PHKA1: variants seen among roughly 807,000 people sequenced by gnomAD.
The protein encoded by PHKA1 is phosphorylase b kinase regulatory subunit alpha, skeletal muscle isoform.
A neutral mutation model predicts 110.2 loss-of-function variants in PHKA1; 60 were observed. The ratio of observed to expected loss-of-function variants is 0.54; its 90% CI spans 0.44 to 0.68. The LOEUF (loss-of-function observed/expected upper bound fraction) is 0.68. Ranked by LOEUF, PHKA1 falls within the 30% of genes least tolerant of loss-of-function variation. The pLI is 0.00. For synonymous variants in PHKA1, 316 were observed against 333.6 expected (o/e 0.95, Z 0.58); for missense variants, 801 against 942.5 (o/e 0.85, Z 1.97).
intron 28 of PHKA1, among the ~76,000 whole-genome samples, chrX:72,594,078 T>C (rs2052559467): frequency 1.8e-5 from 2 of 111,245 alleles, no homozygotes; most frequent in African/African-American, 3.3e-5. Context: ...AAAAAATCAC[T>C]AGCAAAATTA....
chrX:72,614,480 G>A (rs1569430314), intron 21 of PHKA1, among the ~76,000 whole-genome samples: 1 of 111,923 alleles, frequency 8.9e-6, no homozygotes, highest in Non-Finnish European at 1.9e-5. Context: ...CAGATTGGAG[G>A]AAGTTTCATG....
chrX:72,700,868 T>C (rs1445080117), intron 3 of PHKA1, among the ~76,000 whole-genome samples: 4 of 111,863 alleles, frequency 3.6e-5, no homozygotes, highest in Non-Finnish European at 7.5e-5. Context: ...AAGAAATAAC[T>C]GCATGGACTG....
At position 72,581,160 on chromosome X, in the gene PHKA1, C is replaced by G; in HGVS notation, c.3514G>C (p.Asp1172His). The change falls in exon 32 of 32, where the codon GAT becomes CAT. Residue 1172 changes from aspartate (D) to histidine (H), a missense_variant. This residue lies in a region of PHKA1 where 502 missense variants were observed against 519.2 expected (regional missense o/e 0.97). Coordinates refer to ENST00000373542, the MANE Select transcript of PHKA1 (RefSeq NM_002637.4). ...FLQEQKTLGA[D>H]DTMLAKDPAS... The stretch of plus-strand genomic sequence containing the variant: ...GGATCCTTTGCCAACATGGTATCAT[C>G]TGCGCCAAGGGTTTTCTGTTTGGTT... The G allele has an allele frequency of 1.7e-6, 2 of 1,192,176 alleles. No homozygotes were observed. The highest frequency in any genetic ancestry group is 2.3e-6 in the Non-Finnish European group (2 of 877,781).
chrX:72,674,194 G>T (rs368973889), intron 6 of PHKA1, among the ~76,000 whole-genome samples: 23 of 110,342 alleles, frequency 2.1e-4, no homozygotes, highest in East Asian at 1.1e-3. Context: ...ATTTTCTTAA[G>T]CCAGTCTATC....
chrX:72,681,390 AG>A (rs1261856457), intron 5 of PHKA1, among the ~76,000 whole-genome samples: 1 of 108,730 alleles, frequency 9.2e-6, no homozygotes, highest in Non-Finnish European at 1.9e-5. Flanking sequence ...TCTGGGAGGG[AG>A]GTGGGGGGGG....
chrX:72,654,923 A>C (rs1479883224), intron 10 of PHKA1, among the ~76,000 whole-genome samples: 2 of 103,588 alleles, frequency 1.9e-5, no homozygotes, highest in African/African-American at 3.5e-5. Flanking sequence ...TCAGCCTCCC[A>C]AGTAGCTGGG....
chrX:72,627,245 T>TGACA (rs2147719210), intron 16 of PHKA1, among the ~76,000 whole-genome samples, 196 bp from the exon 17 acceptor site: 1 of 106,881 alleles, frequency 9.4e-6, no homozygotes, highest in Admixed American at 1.1e-4. Context: ...GGATGATGAC[T>TGACA]GATAGATTTC....
intron 6 of PHKA1, among the ~76,000 whole-genome samples, chrX:72,673,877 C>A (rs2053739349): frequency 9.2e-6 from 1 of 108,288 alleles, no homozygotes; most frequent in Non-Finnish European, 1.9e-5. Flanking sequence ...CATATGTATA[C>A]ATGTGCCATA....
chrX:72,678,933 G>A (rs1363424175), intron 5 of PHKA1, among the ~76,000 whole-genome samples: 4 of 111,967 alleles, frequency 3.6e-5, no homozygotes, highest in Non-Finnish European at 7.5e-5. Context: ...ATGGCGCTAA[G>A]TACAGATACA....
chrX:72,657,252 A>G (rs2053507345), intron 9 of PHKA1, among the ~76,000 whole-genome samples: 1 of 112,359 alleles, frequency 8.9e-6, no homozygotes, highest in Admixed American at 9.4e-5. Context: ...ATTGTTAAAT[A>G]TTTTGGGAGA....
At chrX:72,644,577 C>A (rs1556296636) in intron 13 of PHKA1, 81 bp from the exon 14 acceptor site, 2 of 920,337 alleles carry the variant, frequency 2.2e-6, no homozygotes, top group East Asian at 3.3e-5. Context: ...TATATAATTT[C>A]TTTTAAAGAG....
chrX:72,618,249 G>A (rs1319751115), intron 21 of PHKA1, among the ~76,000 whole-genome samples: 1 of 111,477 alleles, frequency 9.0e-6, no homozygotes. Flanking sequence ...TAGGAGAGAG[G>A]AGTTCAATTT....
At chrX:72,682,367 G>A (rs1200457556) in intron 5 of PHKA1, among the ~76,000 whole-genome samples, 21 of 109,212 alleles carry the variant, frequency 1.9e-4, no homozygotes, top group East Asian at 3.3e-4. Flanking sequence ...CCGGCCAGCC[G>A]CCCCGTCCGG....
chrX:72,637,564 C>T (rs1556292614), intron 14 of PHKA1, among the ~76,000 whole-genome samples: 1 of 111,640 alleles, frequency 9.0e-6, no homozygotes, highest in African/African-American at 3.3e-5. Context: ...TGGATATATA[C>T]TCAGAAGTGT....
chrX:72,582,634 T>G, intron 30 of PHKA1, 36 bp from the exon 31 acceptor site: 1 of 930,391 alleles, frequency 1.1e-6, no homozygotes, highest in Non-Finnish European at 1.5e-6. Flanking sequence ...TTCCTAAGAG[T>G]CCATCATCCA....
intron 17 of PHKA1, among the ~76,000 whole-genome samples, chrX:72,624,169 A>C (rs1297927400): frequency 8.9e-6 from 1 of 112,260 alleles, no homozygotes; most frequent in African/African-American, 3.2e-5. Flanking sequence ...TGTCACAAAC[A>C]AATCTCATGT....
intron 2 of PHKA1, among the ~76,000 whole-genome samples, chrX:72,710,818 ATTT>A: frequency 2.2e-3 from 1 of 450 alleles, no homozygotes; most frequent in Non-Finnish European, 0.032. Flanking sequence ...TAAATTCTTT[ATTT>A]TTTATTTTTT....
chrX:72,610,402 C>A (rs2052790798), intron 22 of PHKA1, among the ~76,000 whole-genome samples: 1 of 111,615 alleles, frequency 9.0e-6, no homozygotes, highest in African/African-American at 3.3e-5. Flanking sequence ...GTTATTTCAC[C>A]TAACATAGTG....
intron 25 of PHKA1, among the ~76,000 whole-genome samples, chrX:72,603,803 T>C (rs1244637332): frequency 9.0e-6 from 1 of 110,746 alleles, no homozygotes; most frequent in Non-Finnish European, 1.9e-5. Context: ...TCTTTGGGAG[T>C]GATGGAACAT....
Sources: gnomAD v4.1 joint callset for allele counts (sites outside exome capture counted in the v4.1 genomes callset) on GRCh38, gnomAD v4.1.1 for gene constraint, gnomAD v4.1.1 regional missense constraint, MANE v1.5 for transcripts, NCBI Gene and HGNC (gene_info 2026-07-23, HGNC 2026-07-21) for gene names.